Variants in NAGLU observed in about 807,000 individuals in gnomAD.
NAGLU encodes alpha-N-acetylglucosaminidase.
NAGLU carries 34 observed loss-of-function variants against 43.4 expected under a neutral mutation model. The ratio of observed to expected loss-of-function variants is 0.78; its 90% confidence interval spans 0.60 to 1.04. NAGLU has a LOEUF of 1.04. NAGLU is among the 50% of genes least tolerant of loss of function. The pLI is 0.00. For synonymous variants in NAGLU, 425 were observed against 437.6 expected (o/e 0.97, Z 0.36); for missense variants, 910 against 993.7 (o/e 0.92, Z 1.13).
Position 42,541,093 on chromosome 17 carries a change from T to A in NAGLU, c.908T>A (p.Phe303Tyr), listed in dbSNP as rs1165808621. The change falls in exon 5 of 6, where the codon TTT becomes TAT. Residue 303 changes from phenylalanine (F) to tyrosine (Y), a missense_variant. Physicochemically the swap from Phe to Tyr is conservative, Grantham distance 22. Transcript: ENST00000225927. The part of the protein sequence containing the change: ...SLFLRELIKE[F>Y]GTDHIYGADT... ...TTCCTGCGAGAGCTGATCAAAGAGT[T>A]TGGCACAGACCACATCTATGGGGCC... 3 of 1,614,032 alleles carry A rather than the reference T, an allele frequency of 1.9e-6. No homozygotes were observed. In the East Asian group the frequency reaches 6.7e-5, roughly 36 times the overall value.
intron 4 of NAGLU, 142 bp downstream of exon 4, chr17:42,538,897 G>A (rs1179649419): frequency 1.2e-5 from 11 of 935,196 alleles, no homozygotes; most frequent in East Asian, 5.4e-5. Context: ...CGAGTTGGGC[G>A]GATCACCTGA....
At chr17:42,541,318 C>G in intron 5 of NAGLU, 112 bp downstream of exon 5, 2 of 1,429,748 alleles carry the variant, frequency 1.4e-6, no homozygotes, top group South Asian at 1.2e-5. Context: ...CCATAACACA[C>G]AGTACTTCAT....
rs2092909757 is a variant in NAGLU, at chr17:42,537,454, G to T, written c.440G>T (p.Trp147Leu). 1 of 1,614,208 alleles carries T rather than the reference G, an allele frequency of 6.2e-7. No homozygotes were observed. The highest frequency in any genetic ancestry group is 8.5e-7 in the Non-Finnish European group (1 of 1,180,012). Residue 147 changes from tryptophan to leucine, a missense_variant, in exon 2 of 6, where the codon TGG becomes TTG. By Grantham distance (61) the Trp-to-Leu change is moderately conservative (BLOSUM62 -2). Coordinates refer to ENST00000225927, the MANE Select transcript of NAGLU (RefSeq NM_000263.4). ...TQSYSFVWWD[W>L]ARWEREIDWM... is the part of the protein sequence containing the mutation. The stretch of plus-strand genomic sequence containing the variant: ...AGCTACTCTTTCGTGTGGTGGGACT[G>T]GGCCCGCTGGGAGCGAGAGATAGAC...
chr17:42,543,599 C>T lies in NAGLU; in HGVS notation c.1593C>T (p.Tyr531=). 1 of 1,613,108 alleles carries T rather than the reference C, an allele frequency of 6.2e-7. No individual in the cohort carries two copies. The highest frequency in any genetic ancestry group is 8.5e-7 in the Non-Finnish European group (1 of 1,180,032). ...TACAGATGAATACCAGCATCTGGTA[C>T]AACCGATCTGATGTGTTTGAGGCCT... is the stretch of plus-strand genomic sequence containing the variant. ...PSLQMNTSIW[Y]NRSDVFEAWR... Residue 531 remains tyrosine (Y), a synonymous_variant, in exon 6 of 6, where the codon TAC becomes TAT. Transcript: ENST00000225927.
chr17:42,536,352 G>T lies in NAGLU; in HGVS notation c.80G>T (p.Arg27Leu). Reference sequence around the variant, plus strand: ...GGGGGCGCGGCAGGCGACGAGGCCCGGGAGGCGGCGGCCGTGCGGGCGCTC... The same window carrying T: ...GGGGGCGCGGCAGGCGACGAGGCCCTGGAGGCGGCGGCCGTGCGGGCGCTC... ...GAGGAAGDEA[R>L]EAAAVRALVA... is the part of the protein sequence containing the mutation. The change falls in exon 1 of 6, where the codon CGG (arginine) becomes CTG (leucine). Residue 27 changes from arginine (R) to leucine (L), a missense_variant. Coordinates refer to ENST00000225927, the MANE Select transcript of NAGLU (RefSeq NM_000263.4). 2 of 1,200,926 alleles carry T rather than the reference G, an allele frequency of 1.7e-6. No individual in the cohort carries two copies. The highest frequency in any genetic ancestry group is 2.1e-6 in the Non-Finnish European group (2 of 968,892). 74.4% of individuals were successfully genotyped at this position (1,200,926 alleles called of 1,614,324 possible). A position where few individuals can be genotyped will look rare whatever the true frequency, so the allele number is the denominator to read the frequency against.
In NAGLU at chr17:42,536,271, C is replaced by G; in HGVS notation, c.-2C>G. 2 of 1,218,230 alleles carry G rather than the reference C, an allele frequency of 1.6e-6. No individual in the cohort carries two copies. The highest frequency in any genetic ancestry group is 2.0e-6 in the Non-Finnish European group (2 of 979,168). The allele number at this position is 1,218,230 out of a possible 1,614,324, so 75.5% of individuals were successfully genotyped here. ...CGTCGCGGGACCCGCAGGACTGAGA[C>G]CATGGAGGCGGTGGCGGTGGCCGCG... On this transcript the variant is annotated 5_prime_UTR_variant, in exon 1 of 6. Coordinates refer to ENST00000225927, the MANE Select transcript of NAGLU (RefSeq NM_000263.4).
At chr17:42,542,208 G>A (rs754781939) in intron 5 of NAGLU, among the ~76,000 whole-genome samples, 3 of 151,770 alleles carry the variant, frequency 2.0e-5, no homozygotes, top group South Asian at 2.1e-4. Flanking sequence ...GATTACAGGC[G>A]CCCCCCAACC....
chr17:42,541,422 C>T (rs957457240), intron 5 of NAGLU, among the ~76,000 whole-genome samples: 5 of 152,332 alleles, frequency 3.3e-5, no homozygotes, highest in South Asian at 4.1e-4. Flanking sequence ...GGTCACACCT[C>T]GCGCTCCTAT....
Position 42,541,345 on chromosome 17 carries a change from G to T in NAGLU, c.1021+139G>T. On this transcript the variant is annotated intron_variant, in intron 5 of 5. Transcript: ENST00000225927. ...GTACTTCATAGTTTACCAAGCACGTGTACACATGCGTTGTCTCAGTGAATC... is the reference window on the plus strand; with the variant it reads ...GTACTTCATAGTTTACCAAGCACGTTTACACATGCGTTGTCTCAGTGAATC... 2.3e-6 allele frequency: 3 copies of T among 1,288,768 alleles called. No individual in the cohort carries two copies. In the East Asian group the frequency reaches 7.6e-5, roughly 33 times the overall value. The allele number at this position is 1,288,768 out of a possible 1,614,324, so 79.8% of individuals were successfully genotyped here.
intron 5 of NAGLU, 135 bp from the exon 6 acceptor site, chr17:42,542,893 C>T (rs1599260077): frequency 3.7e-6 from 5 of 1,367,070 alleles, no homozygotes; most frequent in African/African-American, 2.8e-5. Context: ...GTATGTGCCA[C>T]AGAGCGTCCC....
rs752423543 is a variant in NAGLU at position 42,538,747 on chromosome 17, T to C, written c.756T>C (p.Ala252=). The C allele has an allele frequency of 2.5e-6, 4 of 1,613,982 alleles. No individual in the cohort carries two copies. Among genetic ancestry groups the C allele is most frequent in the Non-Finnish European group, 3.4e-6 (4 of 1,180,044 alleles). Residue 252 remains alanine, a synonymous_variant, in exon 4 of 6, where the codon GCT becomes GCC. Transcript: ENST00000225927. ...CATTCGCGGGGCATGTTCCCGAGGC[T>C]GTCACCAGGTGAGGTTCCGCTCACC... is the stretch of plus-strand genomic sequence containing the variant. ...LPAFAGHVPE[A]VTRVFPQVNV...
intron 1 of NAGLU, chr17:42,537,017 T>G: frequency 2.2e-6 from 1 of 444,678 alleles, no homozygotes; most frequent in Non-Finnish European, 4.1e-6. Flanking sequence ...AGGCCTGTGT[T>G]CCAGCGCCTG....
chr17:42,537,104 G>C lies in NAGLU; in HGVS notation c.384-294G>C, dbSNP rs563458337. 1.5e-3 allele frequency: 691 copies of C among 474,996 alleles called. 9 individuals are homozygous for C. Among genetic ancestry groups the C allele is most frequent in the African/African-American group, 0.013 (641 of 50,832 alleles). 29.4% of individuals were successfully genotyped at this position (474,996 alleles called of 1,614,324 possible). A position where few individuals can be genotyped will look rare whatever the true frequency, so the allele number is the denominator to read the frequency against. ...TAGACTGTGGGGGCAGGGATTCCCCGTTCCAGGAAAACACCGTGCAGAGGA... is the reference window on the plus strand; with the variant it reads ...TAGACTGTGGGGGCAGGGATTCCCCCTTCCAGGAAAACACCGTGCAGAGGA... On this transcript the variant is annotated intron_variant, in intron 1 of 5. Coordinates refer to ENST00000225927, the MANE Select transcript of NAGLU (RefSeq NM_000263.4).
intron 5 of NAGLU, among the ~76,000 whole-genome samples, chr17:42,541,986 C>T (rs376950571): frequency 4.6e-5 from 7 of 151,802 alleles, no homozygotes; most frequent in African/African-American, 1.5e-4. Flanking sequence ...CTGCAACCTT[C>T]GTCTCCTAGG....
chr17:42,537,640 C>T lies in NAGLU; in HGVS notation c.531+95C>T, dbSNP rs930313662. 6 of 1,515,068 alleles carry T rather than the reference C, an allele frequency of 4.0e-6. No individual in the cohort carries two copies. The African/African-American group carries it at 4.1e-5, about 10-fold the overall frequency. 93.9% of individuals were successfully genotyped at this position (1,515,068 alleles called of 1,614,324 possible). ...CCCAGCATGGGCGCAGTGTCTCTCT[C>T]TAGAAGTGCTTTCAGCGTGCACAGT... On this transcript the variant is annotated intron_variant, in intron 2 of 5. Transcript: ENST00000225927.
At chr17:42,537,703 C>A (rs559447505) in intron 2 of NAGLU, among the ~76,000 whole-genome samples, 158 bp downstream of exon 2, 1 of 152,108 alleles carries the variant, frequency 6.6e-6, no homozygotes, top group Non-Finnish European at 1.5e-5. Context: ...TCCGGCCGGG[C>A]GCGGTGGCTC....
In NAGLU at chr17:42,544,226, C is replaced by T. The variant is rs756351696; in HGVS notation, c.2220C>T (p.Ala740=). The T allele has an allele frequency of 1.4e-5, 23 of 1,609,438 alleles. No homozygotes were observed. Among genetic ancestry groups the T allele is most frequent in the East Asian group, 6.7e-5 (3 of 44,884 alleles). The change falls in exon 6 of 6, where the codon GCC becomes GCT. Residue 740 remains alanine, a synonymous_variant. Coordinates refer to ENST00000225927, the MANE Select transcript of NAGLU (RefSeq NM_000263.4). ...TCAAATATTACCCCCGCTGGGTGGC[C>T]GGCTCTTGGTGATAGATTCGCCACC... ...IFLKYYPRWV[A]GSW
chr17:42,541,029 G>T lies in NAGLU; in HGVS notation c.844G>T (p.Ala282Ser). 1 of 1,614,174 alleles carries T rather than the reference G, an allele frequency of 6.2e-7. No homozygotes were observed. ...TTCCTACTCCTGCTCCTTCCTTCTG[G>T]CTCCGGAAGACCCCATATTCCCCAT... ...NCSYSCSFLL[A>S]PEDPIFPIIG... The change falls in exon 5 of 6, where the codon GCT (alanine) becomes TCT (serine). Residue 282 changes from alanine to serine, a missense_variant. Physicochemically the swap from Ala to Ser is moderately conservative, Grantham distance 99. Coordinates refer to ENST00000225927, the MANE Select transcript of NAGLU (RefSeq NM_000263.4).
chr17:42,540,244 G>A (rs2092918036), intron 4 of NAGLU, among the ~76,000 whole-genome samples: 1 of 151,756 alleles, frequency 6.6e-6, no homozygotes, highest in African/African-American at 2.4e-5. Context: ...GCGGTGTGGG[G>A]GTCAAGGGGA....
Sources: gnomAD v4.1 joint callset for allele counts (sites outside exome capture counted in the v4.1 genomes callset) on GRCh38, gnomAD v4.1.1 for gene constraint, MANE v1.5 for transcripts, NCBI Gene and HGNC (gene_info 2026-07-23, HGNC 2026-07-21) for gene names.